RNF144A: variants seen among roughly 807,000 people sequenced by gnomAD.
RNF144A encodes the protein E3 ubiquitin-protein ligase RNF144A.
A neutral mutation model predicts 38.7 loss-of-function variants in RNF144A; 11 were observed. That is an observed-to-expected ratio of 0.28 (90% CI 0.18 to 0.47). RNF144A has a LOEUF of 0.47. Ranked by LOEUF, RNF144A falls within the 20% of genes least tolerant of loss-of-function variation. The pLI is 0.99. For synonymous variants in RNF144A, 149 were observed against 143.9 expected, an observed-to-expected ratio of 1.04 and a Z score of -0.25; for missense variants, 316 against 377.2, an observed-to-expected ratio of 0.84 and a Z score of 1.34.
intron 8 of RNF144A, among the ~76,000 whole-genome samples, chr2:7,034,041 T>C (rs1672501247): frequency 6.6e-6 from 1 of 152,116 alleles, no homozygotes; most frequent in South Asian, 2.1e-4. Flanking sequence ...GCTGCTTTAT[T>C]TTCTGGTTCT....
chr2:6,971,226 C>T (rs1482825169), intron 2 of RNF144A, among the ~76,000 whole-genome samples: 2 of 152,126 alleles, frequency 1.3e-5, no homozygotes, highest in African/African-American at 4.8e-5. Context: ...TTGCCCAGGC[C>T]TCTTGGGACG....
intron 2 of RNF144A, among the ~76,000 whole-genome samples, chr2:6,990,931 C>A (rs1023898164): frequency 2.0e-5 from 3 of 152,184 alleles, no homozygotes; most frequent in African/African-American, 7.2e-5. Context: ...GAGTTGGGAT[C>A]ATATGTGTGT....
rs1318935907 is a variant in RNF144A at position 7,041,418 on chromosome 2, A to G, written c.*1658A>G. ...TTTCCTTATGAACCCGAAGCCATTT[A>G]GAAAATCCCTGTGTGTCAAAATTAC... On this transcript the variant is annotated 3_prime_UTR_variant, in exon 9 of 9. Coordinates refer to ENST00000320892, the MANE Select transcript of RNF144A (RefSeq NM_014746.6). 2.0e-6 allele frequency: 2 copies of G among 985,762 alleles called. No homozygotes were observed. The highest frequency in any genetic ancestry group is 2.4e-6 in the Non-Finnish European group (2 of 829,948). The allele number at this position is 985,762 out of a possible 1,614,324, so 61.1% of individuals were successfully genotyped here.
chr2:7,013,040 T>C (rs983267375), intron 3 of RNF144A, among the ~76,000 whole-genome samples: 3 of 152,210 alleles, frequency 2.0e-5, no homozygotes, highest in Non-Finnish European at 4.4e-5. Context: ...TTTCTGAGGA[T>C]TGCCTTGATT....
At chr2:6,945,332 T>A (rs1394668474) in intron 2 of RNF144A, among the ~76,000 whole-genome samples, 1 of 152,120 alleles carries the variant, frequency 6.6e-6, no homozygotes, top group Non-Finnish European at 1.5e-5. Context: ...GCTGATGGTA[T>A]TGTTACAATC....
intron 8 of RNF144A, 62 bp from the exon 9 acceptor site, chr2:7,039,567 T>G: frequency 6.3e-7 from 1 of 1,593,748 alleles, no homozygotes; most frequent in Non-Finnish European, 8.5e-7. Flanking sequence ...TGGTTTACAC[T>G]TTAGCTCTGG....
At chr2:6,974,155 A>G (rs908942250) in intron 2 of RNF144A, among the ~76,000 whole-genome samples, 4 of 152,334 alleles carry the variant, frequency 2.6e-5, no homozygotes, top group African/African-American at 9.6e-5. Flanking sequence ...TTACAGACTT[A>G]CCTGCTCTCC....
chr2:7,042,273 T>A lies in RNF144A; in HGVS notation c.*2513T>A. 1 of 985,454 alleles carries A rather than the reference T, an allele frequency of 1.0e-6. No homozygotes were observed. The highest frequency in any genetic ancestry group is 1.2e-6 in the Non-Finnish European group (1 of 829,932). 61.0% of individuals were successfully genotyped at this position (985,454 alleles called of 1,614,324 possible). Reference sequence around the variant, plus strand: ...AAAATGGAAATAGCACACAGGCAGATGGCCCTGGGTTTGGACTTTGATCTT... The same window carrying A: ...AAAATGGAAATAGCACACAGGCAGAAGGCCCTGGGTTTGGACTTTGATCTT... On this transcript the variant is annotated 3_prime_UTR_variant, in exon 9 of 9. Transcript: ENST00000320892.
intron 2 of RNF144A, 70 bp from the exon 3 acceptor site, chr2:6,996,846 G>C: frequency 1.3e-6 from 2 of 1,516,268 alleles, no homozygotes; most frequent in African/African-American, 1.4e-5. Flanking sequence ...ACAGCCAGGA[G>C]AACCTTGCCA....
intron 2 of RNF144A, among the ~76,000 whole-genome samples, chr2:6,945,577 G>T (rs147164957): frequency 6.6e-6 from 1 of 152,106 alleles, no homozygotes; most frequent in African/African-American, 2.4e-5. Context: ...TTTCTAGGGC[G>T]GTATAGATTT....
chr2:7,067,200 C>T (rs1364917954), intron 6 of RNF144A, among the ~76,000 whole-genome samples: 5 of 152,170 alleles, frequency 3.3e-5, no homozygotes, highest in African/African-American at 9.7e-5. Flanking sequence ...GGACTGGATC[C>T]TGAATTCTCC....
At chr2:6,933,742 G>A (rs1011386896) in intron 1 of RNF144A, among the ~76,000 whole-genome samples, 2 of 151,384 alleles carry the variant, frequency 1.3e-5, no homozygotes, top group Non-Finnish European at 2.9e-5. Flanking sequence ...TTCACAGATG[G>A]GATCATAGTG....
chr2:7,024,544 C>T lies in RNF144A; in HGVS notation c.657+28C>T, dbSNP rs549939026. The T allele has an allele frequency of 1.4e-5, 22 of 1,580,598 alleles. No individual in the cohort carries two copies. The South Asian group carries it at 1.7e-4, about 12-fold the overall frequency. ...GAGTACGGCCTTCAGCTTCACCTTG[C>T]GGCATTTAGCTTTGAGGTTTAGATT... is the stretch of plus-strand genomic sequence containing the variant. On this transcript the variant is annotated intron_variant, in intron 7 of 8. Coordinates refer to ENST00000320892, the MANE Select transcript of RNF144A (RefSeq NM_014746.6).
At chr2:6,989,820 G>A (rs1403857497) in intron 2 of RNF144A, among the ~76,000 whole-genome samples, 3 of 151,836 alleles carry the variant, frequency 2.0e-5, no homozygotes, top group Non-Finnish European at 4.4e-5. Flanking sequence ...CTAGGGTTTT[G>A]CCTTTTCTAG....
Position 7,020,654 on chromosome 2 carries a change from G to T in RNF144A, c.483G>T (p.Pro161=). 1 of 1,605,470 alleles carries T rather than the reference G, an allele frequency of 6.2e-7. No homozygotes were observed. The highest frequency in any genetic ancestry group is 8.5e-7 in the Non-Finnish European group (1 of 1,179,958). Residue 161 remains proline, a synonymous_variant, in exon 6 of 9, where the codon CCG becomes CCT. Transcript: ENST00000320892. The stretch of plus-strand genomic sequence containing the variant: ...GCCAGGGCTGCCCGGAGACCATGCC[G>T]ATCACCTTCCTCCCCGGGGAGACCA... ...HPGQGCPETM[P]ITFLPGETSA...
At chr2:7,049,817 C>T (rs1011399813) in intron 6 of RNF144A, among the ~76,000 whole-genome samples, 4 of 152,150 alleles carry the variant, frequency 2.6e-5, no homozygotes, top group African/African-American at 4.8e-5. Flanking sequence ...GAGCTTCTGT[C>T]TTGCAAATAC....
chr2:6,955,356 T>G (rs1666935245), intron 2 of RNF144A, among the ~76,000 whole-genome samples: 1 of 152,138 alleles, frequency 6.6e-6, no homozygotes. Context: ...AACTAAGGCT[T>G]CCCCTCTGTG....
At chr2:7,075,435 T>G in the RNF144A span, among the ~76,000 whole-genome samples, 2 of 152,214 alleles carry the variant, frequency 1.3e-5, no homozygotes, top group Admixed American at 6.5e-5. Flanking sequence ...GTTGGAAACT[T>G]AATCTCTAAA....
chr2:6,973,299 G>A (rs1696901380), intron 2 of RNF144A, among the ~76,000 whole-genome samples: 1 of 152,322 alleles, frequency 6.6e-6, no homozygotes, highest in South Asian at 2.1e-4. Context: ...GGTGTCTTAG[G>A]ATCTTTGGAT....
Sources: gnomAD v4.1 joint callset for allele counts (sites outside exome capture counted in the v4.1 genomes callset) on GRCh38, gnomAD v4.1.1 for gene constraint, MANE v1.5 for transcripts, NCBI Gene and HGNC (gene_info 2026-07-23, HGNC 2026-07-21) for gene names.